LRFN5: variants seen among roughly 807,000 people sequenced by gnomAD.
LRFN5 encodes leucine-rich repeat and fibronectin type-III domain-containing protein 5.
LRFN5 carries 24 observed loss-of-function variants against 45.6 expected under a neutral mutation model. That is an observed-to-expected ratio of 0.53 (90% confidence interval 0.38 to 0.74). The LOEUF is 0.74. LRFN5 is among the 30% of genes least tolerant of loss of function. The pLI is 0.00. For missense variants in LRFN5, 776 were observed against 861.5 expected (o/e 0.90, Z 1.24); for synonymous variants, 340 against 313.8 (o/e 1.08, Z -0.88).
At chr14:41,858,143 TGGA>T (rs1566487502) in intron 2 of LRFN5, among the ~76,000 whole-genome samples, 1 of 152,280 alleles carries the variant, frequency 6.6e-6, no homozygotes, top group African/African-American at 2.4e-5. Context: ...AAGAACAAAC[TGGA>T]GGAGAAGGAG....
chr14:41,673,656 T>A (rs1229381872), intron 1 of LRFN5, among the ~76,000 whole-genome samples: 2 of 141,094 alleles, frequency 1.4e-5, no homozygotes, highest in Non-Finnish European at 3.1e-5. Context: ...ACGGGGCAGC[T>A]GGCCGGGCAG....
At chr14:41,900,291 C>T (rs8020905) in intron 5 of LRFN5, among the ~76,000 whole-genome samples, 104,425 of 151,728 alleles carry the variant, frequency 0.69, 36,003 homozygotes, top group Middle Eastern at 0.79. Flanking sequence ...TTTTCAATTA[C>T]CAATTTAAAG....
chr14:41,839,162 A>G (rs558341951), intron 2 of LRFN5, among the ~76,000 whole-genome samples: 1 of 152,236 alleles, frequency 6.6e-6, no homozygotes, highest in Admixed American at 6.5e-5. Context: ...TATAATTTCT[A>G]CGATTTAGAC....
chr14:41,754,733 T>C (rs1885297472), intron 1 of LRFN5, among the ~76,000 whole-genome samples: 1 of 152,166 alleles, frequency 6.6e-6, no homozygotes, highest in African/African-American at 2.4e-5. Flanking sequence ...GATTCATTGA[T>C]TTTTGAAGCG....
At chr14:41,821,104 T>G (rs1566464655) in intron 2 of LRFN5, among the ~76,000 whole-genome samples, 1 of 151,976 alleles carries the variant, frequency 6.6e-6, no homozygotes, top group Non-Finnish European at 1.5e-5. Context: ...ATTTTTAATT[T>G]TTTTCTTGCC....
intron 2 of LRFN5, among the ~76,000 whole-genome samples, chr14:41,846,466 A>G (rs1594461093): frequency 2.6e-5 from 4 of 152,140 alleles, no homozygotes; most frequent in African/African-American, 9.7e-5. Context: ...CTCACAAACT[A>G]TTGAGGGAAA....
chr14:41,713,668 G>A (rs576066646), intron 1 of LRFN5, among the ~76,000 whole-genome samples: 12 of 152,038 alleles, frequency 7.9e-5, no homozygotes, highest in African/African-American at 1.9e-4. Flanking sequence ...AATTAAGAAC[G>A]AAGTGAGATA....
intron 1 of LRFN5, among the ~76,000 whole-genome samples, chr14:41,719,715 A>G (rs576791151): frequency 1.4e-4 from 21 of 151,442 alleles, no homozygotes; most frequent in African/African-American, 4.9e-4. Context: ...AGATTTTGAG[A>G]TGTGTGTGTA....
chr14:41,665,118 C>G (rs1004271842), intron 1 of LRFN5, among the ~76,000 whole-genome samples: 1 of 151,724 alleles, frequency 6.6e-6, no homozygotes, highest in Non-Finnish European at 1.5e-5. Flanking sequence ...AATTTGGCAT[C>G]CTTTTCTGAC....
intron 1 of LRFN5, among the ~76,000 whole-genome samples, chr14:41,633,947 G>A (rs191431836): frequency 1.2e-3 from 180 of 152,074 alleles, no homozygotes; most frequent in Middle Eastern, 3.4e-3. Context: ...TTTTCCTAGA[G>A]ATATGGAACA....
At chr14:41,682,799 A>G (rs146288471) in intron 1 of LRFN5, among the ~76,000 whole-genome samples, 1 of 152,330 alleles carries the variant, frequency 6.6e-6, no homozygotes, top group African/African-American at 2.4e-5. Context: ...AAGTAACAAG[A>G]TTAAAGACAT....
intron 1 of LRFN5, among the ~76,000 whole-genome samples, chr14:41,688,118 G>A (rs1053557219): frequency 2.0e-5 from 3 of 152,188 alleles, no homozygotes; most frequent in African/African-American, 7.2e-5. Context: ...AAAATTAACA[G>A]TTGAGCACAT....
At chr14:41,790,579 T>C (rs546313775) in intron 2 of LRFN5, among the ~76,000 whole-genome samples, 193 of 14,720 alleles carry the variant, frequency 0.013, no homozygotes, top group African/African-American at 0.053. Flanking sequence ...CTAATTTTGT[T>C]TTTTTTTTTT....
At chr14:41,749,624 T>A (rs1025342668) in intron 1 of LRFN5, among the ~76,000 whole-genome samples, 1 of 151,994 alleles carries the variant, frequency 6.6e-6, no homozygotes, top group African/African-American at 2.4e-5. Flanking sequence ...CATATGACCT[T>A]ATGAATGCAA....
intron 2 of LRFN5, among the ~76,000 whole-genome samples, chr14:41,797,947 C>T (rs1887189920): frequency 6.6e-6 from 1 of 151,600 alleles, no homozygotes; most frequent in African/African-American, 2.4e-5. Context: ...ATCTCTCTTA[C>T]TTTATTATGT....
At chr14:41,682,273 A>G (rs561207151) in intron 1 of LRFN5, among the ~76,000 whole-genome samples, 2 of 152,106 alleles carry the variant, frequency 1.3e-5, no homozygotes, top group South Asian at 4.1e-4. Context: ...AATAATAATT[A>G]TGACAACAAC....
At chr14:41,617,721 G>C (rs1161004924) in intron 1 of LRFN5, among the ~76,000 whole-genome samples, 1 of 152,142 alleles carries the variant, frequency 6.6e-6, no homozygotes, top group South Asian at 2.1e-4. Context: ...AAAATAGTGT[G>C]ATTTTGGGTG....
Position 41,863,785 on chromosome 14 carries a change from C to T in LRFN5, c.-20-22821C>T, listed in dbSNP as rs887022673. ...TCGCATTGTCGTTTTCTGCACCCAT[C>T]AAACTGTCATCTACATTAGGTATTT... is the stretch of plus-strand genomic sequence containing the variant. On this transcript the variant is annotated intron_variant, in intron 2 of 5. Transcript: ENST00000298119. Among the ~76,000 whole-genome samples the T allele has an allele frequency of 3.9e-5, 6 of 152,166 alleles. No homozygotes were observed. In the East Asian group the frequency reaches 7.7e-4, roughly 20 times the overall value.
At position 41,764,043 on chromosome 14, in the gene LRFN5, A is replaced by T. The variant is rs143089273; in HGVS notation, c.-196-2811A>T. ...AATATCAACAAAAAAAAATCTTTGT[A>T]TGGTAACACTAGAAAATGTAGTATT... On this transcript the variant is annotated intron_variant, in intron 1 of 5. Transcript: ENST00000298119. Among the ~76,000 whole-genome samples the T allele has an allele frequency of 2.1e-4, 32 of 152,334 alleles. 1 individual carries two copies. The East Asian group carries it at 5.0e-3, about 24-fold the overall frequency.
Sources: allele counts gnomAD v4.1 joint callset (sites outside exome capture counted in the v4.1 genomes callset), GRCh38; gene constraint gnomAD v4.1.1; transcripts MANE v1.5; gene names NCBI Gene and HGNC (gene_info 2026-07-23, HGNC 2026-07-21).